RBFOX3: variants seen among roughly 807,000 people sequenced by gnomAD.
The protein encoded by RBFOX3 is RNA binding fox-1 homolog 3, also known as RNA binding protein fox-1 homolog 3.
A neutral mutation model predicts 48.7 loss-of-function variants in RBFOX3; 17 were observed. The ratio of observed to expected loss-of-function variants is 0.35; its 90% CI spans 0.24 to 0.52. The LOEUF (loss-of-function observed/expected upper bound fraction) is 0.52, where lower values mean the gene tolerates loss of function less well. Ranked by LOEUF, RBFOX3 falls within the 20% of genes least tolerant of loss-of-function variation. The pLI, the probability that RBFOX3 is intolerant of heterozygous loss-of-function variation, is 0.94. For synonymous variants in RBFOX3, 212 were observed against 209.5 expected, an observed-to-expected ratio of 1.01 and a Z score of -0.10; for missense variants, 382 against 497.5, an observed-to-expected ratio of 0.77 and a Z score of 2.21.
rs568262525 is a variant in RBFOX3 at position 79,103,979 on chromosome 17, C to T, written c.414+94G>A. The T allele has an allele frequency of 3.0e-3, 3,414 of 1,146,196 alleles. 6 individuals are homozygous for T. Among genetic ancestry groups the T allele is most frequent in the Non-Finnish European group, 4.1e-3 (3,230 of 782,408 alleles). The allele number at this position is 1,146,196 out of a possible 1,614,324, so 71.0% of individuals were successfully genotyped here. A position where few individuals can be genotyped will look rare whatever the true frequency, so the allele number is the denominator to read the frequency against. On this transcript the variant is annotated intron_variant, in intron 7 of 14. Transcript: ENST00000693108. This position sits in a 1 kb window ranked among gnomAD's most constrained non-coding sequence, Gnocchi z 6.1. ...CGTGTCGCTCAGGGGTCCTCGGGCGCGAAGCTCTCCAGGAAGGAAACGCAC... is the reference window on the plus strand; with the variant it reads ...CGTGTCGCTCAGGGGTCCTCGGGCGTGAAGCTCTCCAGGAAGGAAACGCAC...
rs1262904505 is a variant in RBFOX3, at chr17:79,477,502, G to C, written c.-175+4952C>G. Among the ~76,000 whole-genome samples the C allele has an allele frequency of 1.3e-5, 2 of 152,092 alleles. No homozygotes were observed. The highest frequency in any genetic ancestry group is 1.3e-4 in the Admixed American group (2 of 15,292). ...ACCCGGGAGGCGGAGTTTGCAGTGA[G>C]CTGAGATCGCCCCATCGCACTCCAG... On this transcript the variant is annotated intron_variant, in intron 2 of 14. Coordinates refer to ENST00000693108, the MANE Select transcript of RBFOX3 (RefSeq NM_001350451.2). The surrounding 1 kb of genome is among the most constrained non-coding windows in gnomAD (Gnocchi z 4.8).
chr17:79,494,356 C>T (rs1246289474), intron 1 of RBFOX3, among the ~76,000 whole-genome samples: 3 of 152,164 alleles, frequency 2.0e-5, no homozygotes, highest in African/African-American at 4.8e-5. Context: ...CCCTTCCTCC[C>T]CGAGCTGTGA....
intron 2 of RBFOX3, among the ~76,000 whole-genome samples, chr17:79,400,280 A>T (rs897068515): frequency 6.6e-6 from 1 of 152,094 alleles, no homozygotes; most frequent in African/African-American, 2.4e-5. Flanking sequence ...GAGACTCCGG[A>T]TAGAATTCTT....
chr17:79,490,554 T>C (rs1335061174), intron 1 of RBFOX3, among the ~76,000 whole-genome samples: 4 of 152,174 alleles, frequency 2.6e-5, no homozygotes, highest in East Asian at 1.9e-4. Flanking sequence ...AGCCTGGCTA[T>C]GGCTGGCTTG....
intron 2 of RBFOX3, among the ~76,000 whole-genome samples, chr17:79,333,946 G>A (rs555133182): frequency 2.6e-5 from 4 of 152,112 alleles, no homozygotes; most frequent in Admixed American, 1.3e-4. Flanking sequence ...CTGCCACATC[G>A]TCCCTTCCTA....
chr17:79,595,713 A>G (rs386829712), intron 1 of RBFOX3, among the ~76,000 whole-genome samples: 39,917 of 152,122 alleles, frequency 0.26, 6,322 homozygotes, highest in East Asian at 0.52. Context: ...AGGGGCTCCT[A>G]TGCATTCCAA....
intron 3 of RBFOX3, among the ~76,000 whole-genome samples, chr17:79,264,640 T>A (rs1266431989): frequency 1.3e-5 from 2 of 152,144 alleles, no homozygotes; most frequent in Admixed American, 6.5e-5. Flanking sequence ...GGTCTGGAGT[T>A]TAATTCTAGC....
At chr17:79,543,673 G>T (rs989103469) in intron 1 of RBFOX3, among the ~76,000 whole-genome samples, 1 of 152,202 alleles carries the variant, frequency 6.6e-6, no homozygotes, top group African/African-American at 2.4e-5. Context: ...AACACGCGGC[G>T]AAGATGAAGC....
chr17:79,369,483 T>C (rs972860044), intron 2 of RBFOX3, among the ~76,000 whole-genome samples: 7 of 152,148 alleles, frequency 4.6e-5, no homozygotes, highest in Non-Finnish European at 1.0e-4. Context: ...AGGGCTTGTC[T>C]GGGGATCCCC....
intron 2 of RBFOX3, among the ~76,000 whole-genome samples, chr17:79,466,934 A>G (rs1555754089): frequency 6.6e-6 from 1 of 152,080 alleles, no homozygotes; most frequent in Admixed American, 6.5e-5. Context: ...GGCATGAGCC[A>G]TCTCCATGAC....
At chr17:79,189,514 C>G (rs2054052517) in intron 4 of RBFOX3, among the ~76,000 whole-genome samples, 1 of 152,246 alleles carries the variant, frequency 6.6e-6, no homozygotes, top group South Asian at 2.1e-4. Flanking sequence ...TGGGCGTTTA[C>G]TAATCACACC....
chr17:79,548,454 C>A (rs1555792643), intron 1 of RBFOX3, among the ~76,000 whole-genome samples: 3 of 152,366 alleles, frequency 2.0e-5, no homozygotes, highest in African/African-American at 7.2e-5. Context: ...CCTGGCAGCC[C>A]CGTGGCACGG....
At chr17:79,348,423 C>T (rs2083269882) in intron 2 of RBFOX3, among the ~76,000 whole-genome samples, 1 of 152,136 alleles carries the variant, frequency 6.6e-6, no homozygotes, top group South Asian at 2.1e-4. Flanking sequence ...AAAGCCATAG[C>T]CCCATGCACA....
At chr17:79,137,859 TC>T (rs2143865156) in intron 4 of RBFOX3, among the ~76,000 whole-genome samples, 1 of 152,234 alleles carries the variant, frequency 6.6e-6, no homozygotes, top group African/African-American at 2.4e-5. Flanking sequence ...GGCCATTTCC[TC>T]CCGGGTAATT....
chr17:79,211,329 G>T (rs543447476), intron 4 of RBFOX3, among the ~76,000 whole-genome samples: 3 of 152,212 alleles, frequency 2.0e-5, no homozygotes, highest in Admixed American at 6.5e-5. Context: ...GCCAGCCTCC[G>T]CCACCTCCTG....
At chr17:79,458,403 A>G (rs138789229) in intron 2 of RBFOX3, among the ~76,000 whole-genome samples, 43 of 152,294 alleles carry the variant, frequency 2.8e-4, no homozygotes, top group African/African-American at 9.6e-4. Context: ...GGGGCAGTAC[A>G]CAGGGCTGAC....
intron 2 of RBFOX3, among the ~76,000 whole-genome samples, chr17:79,412,784 G>A (rs2064666303): frequency 6.6e-6 from 1 of 151,828 alleles, no homozygotes; most frequent in African/African-American, 2.4e-5. Context: ...TGTGGTGTAT[G>A]TGTGTGGTGT....
chr17:79,259,329 G>A (rs2065364028), intron 3 of RBFOX3, among the ~76,000 whole-genome samples: 1 of 152,226 alleles, frequency 6.6e-6, no homozygotes. Flanking sequence ...GGGTCCACCT[G>A]CAGGACCCGC....
chr17:79,127,344 A>G (rs2707045), intron 4 of RBFOX3, among the ~76,000 whole-genome samples: 108,059 of 151,704 alleles, frequency 0.71, 39,516 homozygotes, highest in African/African-American at 0.77. Context: ...GAGATAACGC[A>G]TCAACAGGAA....
Sources: gnomAD v4.1 joint callset for allele counts (sites outside exome capture counted in the v4.1 genomes callset) on GRCh38, gnomAD v4.1.1 for gene constraint, Gnocchi (gnomAD v3.1) non-coding constraint, MANE v1.5 for transcripts, NCBI Gene and HGNC (gene_info 2026-07-23, HGNC 2026-07-21) for gene names.